SNX29: variants seen among roughly 807,000 people sequenced by gnomAD.
The protein encoded by SNX29 is sorting nexin 29, also known as sorting nexin-29.
A neutral mutation model predicts 102.1 loss-of-function variants in SNX29; 78 were observed. The ratio of observed to expected loss-of-function variants is 0.76; its 90% CI spans 0.64 to 0.92. The LOEUF (loss-of-function observed/expected upper bound fraction) is 0.92. Among genes scored for constraint, SNX29 ranks in the 40% least tolerant of loss-of-function variants. The pLI is 0.00. For missense variants in SNX29, 1,280 were observed against 1,061.7 expected (o/e 1.21, Z -2.86); for synonymous variants, 580 against 414.5 (o/e 1.40, Z -4.85).
At chr16:12,542,657 T>A (rs2077394341) in intron 20 of SNX29, among the ~76,000 whole-genome samples, 1 of 152,188 alleles carries the variant, frequency 6.6e-6, no homozygotes, top group Non-Finnish European at 1.5e-5. Context: ...AACTTGTGTT[T>A]GAAGGCAGCG....
At chr16:12,043,700 T>G (rs1277050339) in intron 5 of SNX29, among the ~76,000 whole-genome samples, 1 of 151,890 alleles carries the variant, frequency 6.6e-6, no homozygotes, top group Non-Finnish European at 1.5e-5. Flanking sequence ...AATCCCAAAC[T>G]GAAAAAAACA....
chr16:11,982,474 G>C (rs1050008332), intron 1 of SNX29, among the ~76,000 whole-genome samples: 11 of 147,228 alleles, frequency 7.5e-5, no homozygotes, highest in Non-Finnish European at 1.5e-4. Context: ...CTGTCACCCA[G>C]GCTGGAGTGC....
intron 13 of SNX29, among the ~76,000 whole-genome samples, chr16:12,163,297 C>T (rs368201366): frequency 1.7e-4 from 26 of 152,238 alleles, no homozygotes; most frequent in African/African-American, 5.8e-4. Context: ...ACTGGAGCTG[C>T]GTCTGGAAGG....
chr16:12,534,809 C>T (rs1361134898), intron 20 of SNX29, among the ~76,000 whole-genome samples: 1 of 152,150 alleles, frequency 6.6e-6, no homozygotes, highest in East Asian at 1.9e-4. Flanking sequence ...TGCCTTACTC[C>T]CCAGTTCCAG....
At chr16:11,993,381 C>T (rs1348306963) in intron 1 of SNX29, among the ~76,000 whole-genome samples, 1 of 152,044 alleles carries the variant, frequency 6.6e-6, no homozygotes, top group Non-Finnish European at 1.5e-5. Context: ...GGGCAGCAAA[C>T]ACAGAGGCTT....
At chr16:12,394,967 C>T (rs988609122) in intron 16 of SNX29, among the ~76,000 whole-genome samples, 31 of 152,064 alleles carry the variant, frequency 2.0e-4, no homozygotes, top group African/African-American at 6.8e-4. Context: ...GAGGGTAGCT[C>T]CAATGACAGA....
intron 11 of SNX29, among the ~76,000 whole-genome samples, chr16:12,080,424 G>T (rs1166318447): frequency 6.6e-6 from 1 of 152,206 alleles, no homozygotes; most frequent in Admixed American, 6.5e-5. Context: ...GGTGTTAATA[G>T]ATCACTCAGT....
chr16:12,319,103 G>A (rs2080846666), intron 15 of SNX29, among the ~76,000 whole-genome samples: 2 of 152,242 alleles, frequency 1.3e-5, no homozygotes, highest in African/African-American at 2.4e-5. Flanking sequence ...CAAGGCCCAG[G>A]AAAGGCCTGG....
intron 15 of SNX29, among the ~76,000 whole-genome samples, chr16:12,343,426 A>G (rs562926359): frequency 6.6e-6 from 1 of 152,364 alleles, no homozygotes; most frequent in African/African-American, 2.4e-5. Context: ...CTCTGAAGTC[A>G]CATCTTAACC....
At chr16:12,280,068 T>G (rs1395754577) in intron 15 of SNX29, among the ~76,000 whole-genome samples, 2 of 152,024 alleles carry the variant, frequency 1.3e-5, no homozygotes, top group African/African-American at 2.4e-5. Context: ...ACCCTCTGAT[T>G]GATTGGGTGT....
intron 13 of SNX29, among the ~76,000 whole-genome samples, chr16:12,175,143 A>G (rs1463558521): frequency 6.6e-6 from 1 of 152,174 alleles, no homozygotes; most frequent in Non-Finnish European, 1.5e-5. Context: ...TTACTGATCT[A>G]TTACTAGGTT....
intron 19 of SNX29, among the ~76,000 whole-genome samples, chr16:12,517,620 A>G (rs933847294): frequency 6.6e-6 from 1 of 152,046 alleles, no homozygotes; most frequent in South Asian, 2.1e-4. Flanking sequence ...GCCTCTTGGG[A>G]TCTCCAGGCG....
At chr16:12,565,139 A>G (rs1038744410) in intron 20 of SNX29, among the ~76,000 whole-genome samples, 1 of 149,960 alleles carries the variant, frequency 6.7e-6, no homozygotes, top group Non-Finnish European at 1.5e-5. Flanking sequence ...ATTAGCCCCC[A>G]CTTCCTTTGC....
chr16:12,531,842 C>T (rs7192166), intron 20 of SNX29, among the ~76,000 whole-genome samples: 4 of 152,208 alleles, frequency 2.6e-5, no homozygotes, highest in African/African-American at 7.2e-5. Context: ...CGCCTGTGAG[C>T]TGCCTTCAGG....
chr16:12,052,851 A>T (rs2050362996), intron 8 of SNX29: 1 of 153,234 alleles, frequency 6.5e-6, no homozygotes, highest in Non-Finnish European at 1.5e-5. Flanking sequence ...TTTTATTTTT[A>T]CTCTGGATTT....
chr16:12,055,273 A>T, intron 8 of SNX29, among the ~76,000 whole-genome samples: 1 of 136,838 alleles, frequency 7.3e-6, no homozygotes, highest in Non-Finnish European at 1.5e-5. Context: ...TTGCTTTGTC[A>T]CCTAGGCTGG....
intron 18 of SNX29, among the ~76,000 whole-genome samples, chr16:12,424,525 T>C (rs1298909860): frequency 6.6e-6 from 1 of 152,190 alleles, no homozygotes; most frequent in South Asian, 2.1e-4. Context: ...AGACTGCTGG[T>C]ACCTGCAAAT....
At position 12,091,014 on chromosome 16, in the gene SNX29, CAAAAAA is replaced by C. The variant is rs58933500; in HGVS notation, c.1402+12118_1402+12123del. Among the ~76,000 whole-genome samples the C allele has an allele frequency of 2.6e-4, 14 of 53,444 alleles. 1 individual carries two copies. The highest frequency in any genetic ancestry group is 9.7e-4 in the Admixed American group (4 of 4,144). The allele number at this position is 53,444 out of a possible 152,430, so 35.1% of individuals were successfully genotyped here. ...TGGGCGACAGAGTGAGACTTCATCT[CAAAAAA>C]AAAAAAAAAAAAAAAAAAGAAAGAA... is the stretch of plus-strand genomic sequence containing the variant. On this transcript the variant is annotated intron_variant, in intron 11 of 20. Transcript: ENST00000566228.
At chr16:12,103,136 A>G (rs1355767329) in intron 11 of SNX29, among the ~76,000 whole-genome samples, 1 of 152,242 alleles carries the variant, frequency 6.6e-6, no homozygotes, top group Non-Finnish European at 1.5e-5. Flanking sequence ...GCCTAAAGTA[A>G]TTTATAGATT....
Sources: gnomAD v4.1 joint callset for allele counts (sites outside exome capture counted in the v4.1 genomes callset) on GRCh38, gnomAD v4.1.1 for gene constraint, MANE v1.5 for transcripts, NCBI Gene and HGNC (gene_info 2026-07-23, HGNC 2026-07-21) for gene names.